The following RGS6 variants were observed in gnomAD, a reference collection of about 807,000 sequenced individuals.
RGS6 encodes the protein regulator of G protein signaling 6.
In RGS6, 30 loss-of-function variants were observed where a neutral mutation model predicts 78.5. That is an observed-to-expected ratio of 0.38 (90% CI 0.29 to 0.52). The LOEUF (loss-of-function observed/expected upper bound fraction) is 0.52, where lower values mean the gene tolerates loss of function less well. Among genes scored for constraint, RGS6 ranks in the 20% least tolerant of loss-of-function variants. The pLI is 0.85. For synonymous variants in RGS6, 206 were observed against 206.0 expected (o/e 1.00, Z 0.00); for missense variants, 495 against 609.7 (o/e 0.81, Z 1.98).
At chr14:72,259,824 T>C (rs2057784098) in intron 2 of RGS6, among the ~76,000 whole-genome samples, 1 of 141,030 alleles carries the variant, frequency 7.1e-6, no homozygotes, top group East Asian at 2.1e-4. Context: ...GGCCGGAGAA[T>C]GGCGTGAACC....
chr14:72,562,930 T>C lies in RGS6; in HGVS notation c.*463T>C. The C allele has an allele frequency of 1.5e-6, 1 of 662,638 alleles. No homozygotes were observed. The highest frequency in any genetic ancestry group is 2.7e-6 in the Non-Finnish European group (1 of 371,466). The allele number at this position is 662,638 out of a possible 1,614,324, so 41.0% of individuals were successfully genotyped here. A position where few individuals can be genotyped will look rare whatever the true frequency, so the allele number is the denominator to read the frequency against. ...TGCATCACCTCCCTGGCACCTCCCATAGTTACAGCCACTACATCCCCACCG... is the reference window on the plus strand; with the variant it reads ...TGCATCACCTCCCTGGCACCTCCCACAGTTACAGCCACTACATCCCCACCG... On this transcript the variant is annotated 3_prime_UTR_variant, in exon 18 of 18. Coordinates refer to ENST00000553525, the MANE Select transcript of RGS6 (RefSeq NM_001204424.2).
At chr14:72,026,133 A>G (rs2238265) in intron 2 of RGS6, among the ~76,000 whole-genome samples, 20,800 of 152,082 alleles carry the variant, frequency 0.14, 1,795 homozygotes, top group South Asian at 0.2. Context: ...GGGGCCGGGC[A>G]TGGTGGCTCA....
chr14:71,976,043 A>G (rs2094106897), intron 2 of RGS6, among the ~76,000 whole-genome samples: 1 of 151,898 alleles, frequency 6.6e-6, no homozygotes, highest in African/African-American at 2.4e-5. Flanking sequence ...TGATTTTTTA[A>G]GTTCTAAAAT....
intron 2 of RGS6, among the ~76,000 whole-genome samples, chr14:72,350,275 A>T (rs1353850690): frequency 6.6e-6 from 1 of 152,010 alleles, no homozygotes; most frequent in East Asian, 1.9e-4. Context: ...TGTTTGGCTG[A>T]TTTTCTGGGA....
At chr14:72,159,854 G>A (rs2096828275) in intron 2 of RGS6, among the ~76,000 whole-genome samples, 1 of 152,150 alleles carries the variant, frequency 6.6e-6, no homozygotes, top group Admixed American at 6.5e-5. Flanking sequence ...AGGCACTCTT[G>A]GAGGAAGATA....
At chr14:71,957,854 C>T (rs923327099) in intron 1 of RGS6, among the ~76,000 whole-genome samples, 1 of 152,132 alleles carries the variant, frequency 6.6e-6, no homozygotes, top group African/African-American at 2.4e-5. Flanking sequence ...TAGCCTCCAA[C>T]TCCTGGGCTC....
the RGS6 span, among the ~76,000 whole-genome samples, chr14:72,624,211 T>C: frequency 6.6e-6 from 1 of 152,150 alleles, no homozygotes; most frequent in Non-Finnish European, 1.5e-5. Context: ...CACTGTGCCC[T>C]AATATTAACA....
chr14:71,891,475 C>G, the RGS6 span, among the ~76,000 whole-genome samples: 1 of 152,174 alleles, frequency 6.6e-6, no homozygotes, highest in South Asian at 2.1e-4. Flanking sequence ...CCACGGTGGT[C>G]CAGCAGGTGG....
chr14:72,470,652 G>C (rs186731709), intron 8 of RGS6, among the ~76,000 whole-genome samples: 1 of 151,738 alleles, frequency 6.6e-6, no homozygotes, highest in Admixed American at 6.6e-5. Flanking sequence ...CCGAGGTGGG[G>C]GTGGATCACC....
At chr14:71,956,910 A>C (rs973411726) in intron 1 of RGS6, among the ~76,000 whole-genome samples, 3 of 152,196 alleles carry the variant, frequency 2.0e-5, no homozygotes, top group Admixed American at 2.0e-4. Context: ...AATGGATAGT[A>C]AAAGTGCTGT....
At position 72,183,528 on chromosome 14, in the gene RGS6, A is replaced by G. The variant is rs557435109; in HGVS notation, c.85-168567A>G. Among the ~76,000 whole-genome samples the G allele has an allele frequency of 5.3e-5, 8 of 152,346 alleles. No homozygotes were observed. The East Asian group carries it at 1.5e-3, about 29-fold the overall frequency. On this transcript the variant is annotated intron_variant, in intron 2 of 17. Coordinates refer to ENST00000553525, the MANE Select transcript of RGS6 (RefSeq NM_001204424.2). ...TTTGATCATTGACTCACTGAGAACA[A>G]TTATTAATCTTCAACTCCAAGGTAG...
chr14:72,309,603 T>C (rs2068073283), intron 2 of RGS6, among the ~76,000 whole-genome samples: 1 of 152,276 alleles, frequency 6.6e-6, no homozygotes, highest in Non-Finnish European at 1.5e-5. Context: ...CTGTGAACTT[T>C]GGGTTGCTTA....
At chr14:72,452,207 A>G (rs1388293452) in intron 3 of RGS6, among the ~76,000 whole-genome samples, 2 of 146,692 alleles carry the variant, frequency 1.4e-5, no homozygotes, top group African/African-American at 5.1e-5. Flanking sequence ...AGGCACATGT[A>G]CACACACACA....
At chr14:72,040,720 C>A (rs1397375486) in intron 2 of RGS6, among the ~76,000 whole-genome samples, 1 of 152,118 alleles carries the variant, frequency 6.6e-6, no homozygotes, top group East Asian at 1.9e-4. Context: ...CTCAGGGACT[C>A]TCATAATGTG....
At chr14:72,467,553 G>C (rs1018860935) in intron 7 of RGS6, among the ~76,000 whole-genome samples, 8 of 152,128 alleles carry the variant, frequency 5.3e-5, no homozygotes, top group Non-Finnish European at 1.2e-4. Context: ...GTGTGAATGC[G>C]CATGCCATTG....
chr14:72,011,325 C>T (rs2085657945), intron 2 of RGS6, among the ~76,000 whole-genome samples: 1 of 152,160 alleles, frequency 6.6e-6, no homozygotes, highest in Non-Finnish European at 1.5e-5. Context: ...TATACTTGGG[C>T]CTGATGGATC....
At chr14:72,415,487 T>A (rs887552947) in intron 3 of RGS6, among the ~76,000 whole-genome samples, 11 of 152,274 alleles carry the variant, frequency 7.2e-5, no homozygotes, top group Non-Finnish European at 1.0e-4. Context: ...TTGCGCTTCC[T>A]GGATGAGGCG....
the RGS6 span, among the ~76,000 whole-genome samples, chr14:72,626,069 G>A: frequency 3.3e-5 from 5 of 151,780 alleles, no homozygotes; most frequent in East Asian, 5.8e-4. Flanking sequence ...CTCACTCTTC[G>A]GTATAGTTAC....
chr14:72,475,697 C>A (rs1424384639), intron 10 of RGS6, among the ~76,000 whole-genome samples: 2 of 152,008 alleles, frequency 1.3e-5, no homozygotes, highest in Non-Finnish European at 2.9e-5. Flanking sequence ...CCATTGTACT[C>A]CAGCCTGGGC....
Sources: gnomAD v4.1 joint callset for allele counts (sites outside exome capture counted in the v4.1 genomes callset) on GRCh38, gnomAD v4.1.1 for gene constraint, MANE v1.5 for transcripts, NCBI Gene and HGNC (gene_info 2026-07-23, HGNC 2026-07-21) for gene names.